TTN: variants seen among roughly 807,000 people sequenced by gnomAD.
TTN encodes titin, also known as connectin.
Under a neutral mutation model 3,223.0 loss-of-function variants are expected in TTN, and 1,525 were observed. The ratio of observed to expected loss-of-function variants is 0.47; its 90% CI spans 0.45 to 0.49. TTN has a LOEUF of 0.49. Ranked by LOEUF, TTN falls within the 20% of genes least tolerant of loss-of-function variation. The pLI is 0.00. For missense variants in TTN, 40,786 were observed against 43,424.0 expected, an observed-to-expected ratio of 0.94 and a Z score of 5.40; for synonymous variants, 14,094 against 15,161.0, an observed-to-expected ratio of 0.93 and a Z score of 5.17.
intron 218 of TTN, among the ~76,000 whole-genome samples, chr2:178,643,091 A>T (rs2061450244): frequency 6.6e-6 from 1 of 151,976 alleles, no homozygotes; most frequent in African/African-American, 2.4e-5. Context: ...ATGGTGAAAG[A>T]AAGGAACACG....
At position 178,617,820 on chromosome 2, in the gene TTN, G is replaced by T. The variant is rs774050002; in HGVS notation, c.47531C>A (p.Pro15844Gln). 6 of 1,612,342 alleles carry T rather than the reference G, an allele frequency of 3.7e-6. No individual in the cohort carries two copies. Among genetic ancestry groups the T allele is most frequent in the Non-Finnish European group, 4.2e-6 (5 of 1,179,040 alleles). ...TTTGACGAAGGGTGTGGCTGCACTTGGTTTTCCAACTCCAATTCGATTTTG... is the reference window on the plus strand; with the variant it reads ...TTTGACGAAGGGTGTGGCTGCACTTTGTTTTCCAACTCCAATTCGATTTTG... Reference protein sequence around the residue: ...RAQNRIGVGKPSAATPFVKVA... With the variant: ...RAQNRIGVGKQSAATPFVKVA... The change falls in exon 253 of 363, where the codon CCA becomes CAA. Residue 15844 changes from proline to glutamine, a missense_variant. Pro to Gln is a moderately conservative substitution (Grantham distance 76). Transcript: ENST00000589042.
At chr2:178,729,970 T>C in intron 62 of TTN, 25 bp from the exon 63 acceptor site, 1 of 1,602,614 alleles carries the variant, frequency 6.2e-7, no homozygotes, top group Non-Finnish European at 8.5e-7. Flanking sequence ...AGAATTGTGA[T>C]GTTGAATATT....
Position 178,579,242 on chromosome 2 carries a change from T to C in TTN, c.67788A>G (p.Arg22596=), listed in dbSNP as rs1326950042. The C allele has an allele frequency of 6.2e-7, 1 of 1,613,310 alleles. No individual in the cohort carries two copies. Among genetic ancestry groups the C allele is most frequent in the African/African-American group, 1.3e-5 (1 of 74,888 alleles). ...TAACCGCAGATGACTCAACACTGAC[T>C]CTAGTGTCAGTTGCTAGAGGATCTT... ...KGEDPLATDT[R]VSVESSAVNT... is the part of the protein sequence containing the mutation. Residue 22596 remains arginine, a synonymous_variant, in exon 320 of 363, where the codon AGA becomes AGG. Transcript: ENST00000589042.
chr2:178,728,072 C>T (rs771992052), intron 67 of TTN, 38 bp downstream of exon 67: 66 of 1,511,678 alleles, frequency 4.4e-5, no homozygotes, highest in East Asian at 2.3e-4. Flanking sequence ...AAGAAGCATT[C>T]GCAAGGAAGA....
chr2:178,801,624 A>G lies in TTN; in HGVS notation c.295+514T>C, dbSNP rs113876380. Among the ~76,000 whole-genome samples, 349 of 151,836 alleles carry G rather than the reference A, an allele frequency of 2.3e-3. 3 individuals carry two copies. Among genetic ancestry groups the G allele is most frequent in the African/African-American group, 7.4e-3 (305 of 41,216 alleles). ...ATAGAGAAAAACAACAGAGGCCACT[A>G]AGATTGGTGATAAGTTTTCTGGGGA... On this transcript the variant is annotated intron_variant, in intron 3 of 362. Transcript: ENST00000589042.
At position 178,572,161 on chromosome 2, in the gene TTN, G is replaced by C. The variant is rs1708445131; in HGVS notation, c.73971C>G (p.Thr24657=). The change falls in exon 326 of 363, where the codon ACC becomes ACG. Residue 24657 remains threonine (T), a synonymous_variant. Coordinates refer to ENST00000589042, the MANE Select transcript of TTN (RefSeq NM_001267550.2). ...RILGYIVEMQ[T]KGSDKWATCA... ...ACGTGGCCCATTTGTCACTGCCTTT[G>C]GTCTGCATCTCCACAATGTAGCCTA... 1.9e-6 allele frequency: 3 copies of C among 1,613,374 alleles called. No homozygotes were observed. Among genetic ancestry groups the C allele is most frequent in the Non-Finnish European group, 2.5e-6 (3 of 1,179,616 alleles).
Position 178,532,744 on chromosome 2 carries a change from A to G in TTN, c.103871T>C (p.Leu34624Pro). ...CACTATCTCAAGATCATCTTGGGACAGTTTAGGAATACGCCATTTAGGTCT... is the reference window on the plus strand; with the variant it reads ...CACTATCTCAAGATCATCTTGGGACGGTTTAGGAATACGCCATTTAGGTCT... ...QYRPKWRIPK[L>P]SQDDLEIVRP... Residue 34624 changes from leucine to proline, a missense_variant, in exon 358 of 363, where the codon CTG becomes CCG. By Grantham distance (98) the Leu-to-Pro change is moderately conservative. Transcript: ENST00000589042. The G allele has an allele frequency of 6.2e-7, 1 of 1,613,966 alleles. No homozygotes were observed. The highest frequency in any genetic ancestry group is 8.5e-7 in the Non-Finnish European group (1 of 1,179,868).
intron 24 of TTN, chr2:178,778,471 T>A: frequency 3.3e-6 from 1 of 299,394 alleles, no homozygotes; most frequent in Non-Finnish European, 6.4e-6. Flanking sequence ...TGACTTGGAG[T>A]TTGAATGCTG....
chr2:178,527,713 T>C lies in TTN; in HGVS notation c.107413A>G (p.Arg35805Gly), dbSNP rs1687039051. The change falls in exon 362 of 363, where the codon AGA becomes GGA. Residue 35805 changes from arginine (R) to glycine (G), a missense_variant. Transcript: ENST00000589042. Reference protein sequence around the residue: ...VEEPSREVVLRTSGDTSLQGS... With the variant: ...VEEPSREVVLGTSGDTSLQGS... ...TGCAAGCTTGTGTCACCACTTGTTC[T>C]CAATACTACCTCTCTGGAAGGTTCT... The C allele has an allele frequency of 3.1e-6, 5 of 1,610,856 alleles. No individual in the cohort carries two copies. Among genetic ancestry groups the C allele is most frequent in the Non-Finnish European group, 4.2e-6 (5 of 1,177,750 alleles).
intron 52 of TTN, among the ~76,000 whole-genome samples, chr2:178,734,113 A>G (rs751488480): frequency 2.6e-5 from 4 of 152,158 alleles, no homozygotes; most frequent in Non-Finnish European, 5.9e-5. Flanking sequence ...ATGGCTTATT[A>G]TTCCCTTTTG....
Position 178,539,205 on chromosome 2 carries a change from G to C in TTN, c.98730C>G (p.Thr32910=). The C allele has an allele frequency of 6.2e-7, 1 of 1,613,712 alleles. No individual in the cohort carries two copies. The highest frequency in any genetic ancestry group is 8.5e-7 in the Non-Finnish European group (1 of 1,179,722). Residue 32910 remains threonine, a synonymous_variant, in exon 353 of 363, where the codon ACC becomes ACG. Transcript: ENST00000589042. The part of the protein sequence containing the change: ...PSNPPEVLDV[T]KSSVSLSWSR... Reference sequence around the variant, plus strand: ...ACCAGGACAAGCTAACAGAACTCTTGGTTACATCGAGTACTTCTGGAGGAT... The same window carrying C: ...ACCAGGACAAGCTAACAGAACTCTTCGTTACATCGAGTACTTCTGGAGGAT...
At position 178,757,842 on chromosome 2, in the gene TTN, G is replaced by C. The variant is rs201735487; in HGVS notation, c.10378C>G (p.Pro3460Ala). 9.4e-5 allele frequency: 150 copies of C among 1,589,766 alleles called. No homozygotes were observed. In the African/African-American group the frequency reaches 1.8e-3, roughly 19 times the overall value. Reference sequence around the variant, plus strand: ...ATGAAGCTGGGCTTTTGGCCAAGGGGCTCCTTCTTAAATGAAACTGATAAA... The same window carrying C: ...ATGAAGCTGGGCTTTTGGCCAAGGGCCTCCTTCTTAAATGAAACTGATAAA... ...VSLSVSFKKE[P>A]LGQKPSFIQP... The change falls in exon 45 of 363, where the codon CCC becomes GCC. Residue 3460 changes from proline (P) to alanine (A), a missense_variant. Transcript: ENST00000589042.
At chr2:178,789,537 G>A (rs1354926389) in intron 12 of TTN, 40 bp from the exon 13 acceptor site, 3 of 1,611,448 alleles carry the variant, frequency 1.9e-6, no homozygotes, top group Non-Finnish European at 2.5e-6. Flanking sequence ...GTTGAACAGG[G>A]CTTCAAACAC....
At position 178,734,839 on chromosome 2, in the gene TTN, G is replaced by A; in HGVS notation, c.15085C>T (p.Arg5029Ter). 6.2e-7 allele frequency: 1 copy of A among 1,613,578 alleles called. No homozygotes were observed. The highest frequency in any genetic ancestry group is 1.1e-5 in the South Asian group (1 of 91,058). ...NKELSESNTV[R>*]MYFVNSEAIL... ...GCCTCAGAATTGACAAAATACATTC[G>A]GACTGTGTTACTTTCACTGAGTTCT... Residue 5029 changes from arginine to a stop codon, truncating the protein, a stop_gained, in exon 51 of 363, where the codon CGA becomes TGA. Transcript: ENST00000589042. LOFTEE classifies it high-confidence loss of function.
At chr2:178,672,367 T>C (rs755282444) in intron 154 of TTN, 40 bp downstream of exon 154, 2 of 1,600,350 alleles carry the variant, frequency 1.2e-6, no homozygotes, top group African/African-American at 1.3e-5. Flanking sequence ...AAGGATTGCA[T>C]GCAACAATAC....
rs753286150 is a variant in TTN, at chr2:178,558,184, C to G, written c.87170G>C (p.Arg29057Thr). ...KNFPSHTVYV[R>T]AGSNLKVDIP... The stretch of plus-strand genomic sequence containing the variant: ...GTCAACTTTAAGGTTTGAACCAGCT[C>G]TAACATATACAGTGTGACTTGGGAA... Residue 29057 changes from arginine (R) to threonine (T), a missense_variant, in exon 328 of 363, where the codon AGA becomes ACA. Transcript: ENST00000589042. The G allele has an allele frequency of 1.2e-6, 2 of 1,613,208 alleles. No individual in the cohort carries two copies. The highest frequency in any genetic ancestry group is 1.1e-5 in the South Asian group (1 of 90,814).
At position 178,717,633 on chromosome 2, in the gene TTN, A is replaced by G. The variant is rs759822411; in HGVS notation, c.25241T>C (p.Val8414Ala). The G allele has an allele frequency of 1.2e-6, 2 of 1,613,358 alleles. No individual in the cohort carries two copies. Among genetic ancestry groups the G allele is most frequent in the South Asian group, 1.1e-5 (1 of 90,996 alleles). ...ANLQTSFVHN[V>A]ATLQILQTDQ... is the part of the protein sequence containing the mutation. ...AGTTTGTAAAATCTGAAGAGTTGCT[A>G]CATTATGAACAAAAGATGTCTGCAA... The change falls in exon 87 of 363, where the codon GTA becomes GCA. Residue 8414 changes from valine (V) to alanine (A), a missense_variant. By Grantham distance (64) the Val-to-Ala change is moderately conservative. Coordinates refer to ENST00000589042, the MANE Select transcript of TTN (RefSeq NM_001267550.2).
In TTN at chr2:178,739,282, T is replaced by C. The variant is rs1244637034; in HGVS notation, c.13951A>G (p.Lys4651Glu). 2 of 1,612,822 alleles carry C rather than the reference T, an allele frequency of 1.2e-6. No individual in the cohort carries two copies. Among genetic ancestry groups the C allele is most frequent in the Admixed American group, 1.7e-5 (1 of 59,978 alleles). ...NKLVPSDEKF[K>E]CLQDQNTYTL... Reference sequence around the variant, plus strand: ...TATGTATTTTGATCTTGTAAACACTTGAACTTTTCATCTGAAGGCACCAGT... The same window carrying C: ...TATGTATTTTGATCTTGTAAACACTCGAACTTTTCATCTGAAGGCACCAGT... Residue 4651 changes from lysine to glutamate, a missense_variant, in exon 48 of 363, where the codon AAG (lysine) becomes GAG (glutamate). Coordinates refer to ENST00000589042, the MANE Select transcript of TTN (RefSeq NM_001267550.2).
intron 43 of TTN, among the ~76,000 whole-genome samples, chr2:178,761,724 C>G (rs1371395062): frequency 1.3e-5 from 2 of 152,150 alleles, no homozygotes; most frequent in Non-Finnish European, 2.9e-5. Context: ...AAGGCAAGAG[C>G]AAGATCTGCA....
Sources: allele counts gnomAD v4.1 joint callset (sites outside exome capture counted in the v4.1 genomes callset), GRCh38; gene constraint gnomAD v4.1.1; transcripts MANE v1.5; gene names NCBI Gene and HGNC (gene_info 2026-07-23, HGNC 2026-07-21).